Variants in CUL3 observed in about 807,000 individuals in gnomAD.
CUL3 encodes cullin 3, also known as cullin-3.
CUL3 carries 19 observed loss-of-function variants against 89.1 expected under a neutral mutation model. That is an observed-to-expected ratio of 0.21 (90% CI 0.15 to 0.31). The LOEUF (loss-of-function observed/expected upper bound fraction) is 0.31, where lower values mean the gene tolerates loss of function less well. CUL3 is among the 10% of genes least tolerant of loss of function. The pLI is 1.00. For missense variants in CUL3, 469 were observed against 942.3 expected (o/e 0.50, Z 6.58); for synonymous variants, 351 against 308.4 (o/e 1.14, Z -1.45).
In CUL3 at chr2:224,471,431, A is replaced by AG. The variant is rs1691126389; in HGVS notation, c.*2813dup. On this transcript the variant is annotated 3_prime_UTR_variant, in exon 16 of 16. Coordinates refer to ENST00000264414, the MANE Select transcript of CUL3 (RefSeq NM_003590.5). The stretch of plus-strand genomic sequence containing the variant: ...GATGATGCCAGTGTACTAGTCTTCT[A>AG]GAGATGTAGGCATAATCTTAAAACT... The AG allele has an allele frequency of 5.1e-6, 1 of 197,876 alleles. No homozygotes were observed. The highest frequency in any genetic ancestry group is 1.0e-5 in the Non-Finnish European group (1 of 95,754). The allele number at this position is 197,876 out of a possible 1,614,324, so 12.3% of individuals were successfully genotyped here.
chr2:224,523,354 A>T (rs182692767), intron 3 of CUL3, among the ~76,000 whole-genome samples: 1 of 151,930 alleles, frequency 6.6e-6, no homozygotes, highest in East Asian at 1.9e-4. Flanking sequence ...AAAATAAAAA[A>T]CTACCACCTC....
At chr2:224,490,655 A>G (rs1691933950) in intron 13 of CUL3, among the ~76,000 whole-genome samples, 2 of 151,886 alleles carry the variant, frequency 1.3e-5, no homozygotes, top group Admixed American at 1.3e-4. Flanking sequence ...CCATGGCACA[A>G]GTATACCTAT....
intron 3 of CUL3, among the ~76,000 whole-genome samples, chr2:224,515,058 TA>T (rs1692989816): frequency 6.6e-6 from 1 of 151,876 alleles, no homozygotes; most frequent in African/African-American, 2.4e-5. Context: ...TAAAAAAAGG[TA>T]AATAGTAAGG....
At chr2:224,579,545 A>G (rs985666147) in intron 1 of CUL3, among the ~76,000 whole-genome samples, 1 of 152,208 alleles carries the variant, frequency 6.6e-6, no homozygotes, top group African/African-American at 2.4e-5. Context: ...GTTCTTAAGT[A>G]TATCACAAAT....
chr2:224,532,481 A>G (rs1693731543), intron 3 of CUL3, among the ~76,000 whole-genome samples: 1 of 151,538 alleles, frequency 6.6e-6, no homozygotes. Context: ...AAAAACAAGG[A>G]GAATGGGGAT....
chr2:224,535,936 G>C (rs1039168105), intron 2 of CUL3, among the ~76,000 whole-genome samples: 2 of 152,070 alleles, frequency 1.3e-5, no homozygotes, highest in African/African-American at 2.4e-5. Context: ...TATTCTTATA[G>C]TAAGTTACAA....
chr2:224,526,605 A>G (rs912646152), intron 3 of CUL3, among the ~76,000 whole-genome samples: 11 of 149,992 alleles, frequency 7.3e-5, no homozygotes, highest in Admixed American at 2.6e-4. Context: ...AAAAAAAAAA[A>G]AAAAAAGAAA....
chr2:224,546,637 A>G (rs193265832), intron 2 of CUL3, among the ~76,000 whole-genome samples: 1 of 150,044 alleles, frequency 6.7e-6, no homozygotes, highest in African/African-American at 2.4e-5. Flanking sequence ...TAACAGAAGA[A>G]TATCACTAAA....
At chr2:224,570,409 T>A (rs1371801459) in intron 1 of CUL3, among the ~76,000 whole-genome samples, 1 of 152,208 alleles carries the variant, frequency 6.6e-6, no homozygotes, top group East Asian at 1.9e-4. Context: ...CAGAGAAACG[T>A]GAGACGGTGG....
intron 5 of CUL3, among the ~76,000 whole-genome samples, chr2:224,512,216 C>T (rs964684945): frequency 2.1e-4 from 32 of 152,112 alleles, no homozygotes; most frequent in Non-Finnish European, 4.6e-4. Context: ...CTGCCTCAGC[C>T]TCCCGAGTAG....
At chr2:224,549,865 C>T (rs1213348116) in intron 2 of CUL3, among the ~76,000 whole-genome samples, 1 of 151,248 alleles carries the variant, frequency 6.6e-6, no homozygotes, top group African/African-American at 2.4e-5. Context: ...TATGCGTGCA[C>T]ACACACACAC....
intron 2 of CUL3, among the ~76,000 whole-genome samples, chr2:224,552,977 T>C (rs537272162): frequency 4.4e-4 from 67 of 152,348 alleles, no homozygotes; most frequent in South Asian, 1.4e-3. Flanking sequence ...AATGCAGAGA[T>C]AGGCAGTACT....
At chr2:224,541,029 A>G (rs910008185) in intron 2 of CUL3, among the ~76,000 whole-genome samples, 2 of 152,244 alleles carry the variant, frequency 1.3e-5, no homozygotes, top group Admixed American at 6.5e-5. Flanking sequence ...AGATTACAAT[A>G]AAGTGTAAGA....
Position 224,474,880 on chromosome 2 carries a change from GCTT to G in CUL3, c.2176-507_2176-505del, listed in dbSNP as rs1189931574. On this transcript the variant is annotated intron_variant, in intron 15 of 15. Coordinates refer to ENST00000264414, the MANE Select transcript of CUL3 (RefSeq NM_003590.5). ...ATAATGCTGCCCAATCATAGTAAGTGCTTCTGTTGGTTTTTTCCAAGTACTATC... is the reference window on the plus strand; with the variant it reads ...ATAATGCTGCCCAATCATAGTAAGTGCTGTTGGTTTTTTCCAAGTACTATC... Among the ~76,000 whole-genome samples, 8 of 152,236 alleles carry G rather than the reference GCTT, an allele frequency of 5.3e-5. No individual in the cohort carries two copies. The East Asian group carries it at 1.5e-3, about 29-fold the overall frequency.
chr2:224,474,834 T>G (rs568879863), intron 15 of CUL3, among the ~76,000 whole-genome samples: 13 of 152,172 alleles, frequency 8.5e-5, no homozygotes, highest in Non-Finnish European at 1.3e-4. Context: ...TGTTAACAGA[T>G]GTAACGCCTT....
At chr2:224,561,293 C>T (rs1694893989) in intron 1 of CUL3, among the ~76,000 whole-genome samples, 1 of 152,166 alleles carries the variant, frequency 6.6e-6, no homozygotes, top group Non-Finnish European at 1.5e-5. Flanking sequence ...TTTGTAAATG[C>T]CACATAAAAT....
At chr2:224,542,257 T>C (rs1310343755) in intron 2 of CUL3, among the ~76,000 whole-genome samples, 1 of 152,222 alleles carries the variant, frequency 6.6e-6, no homozygotes, top group Non-Finnish European at 1.5e-5. Flanking sequence ...TCTGTGGATA[T>C]AGCTTTTCTC....
At chr2:224,513,482 G>A (rs111771397) in intron 5 of CUL3, 42 bp downstream of exon 5, 4 of 1,234,812 alleles carry the variant, frequency 3.2e-6, no homozygotes, top group Non-Finnish European at 4.6e-6. Flanking sequence ...ATAACATTAA[G>A]AACATCTTAA....
chr2:224,510,219 GT>G (rs1553522669), intron 6 of CUL3, among the ~76,000 whole-genome samples: 198 of 105,336 alleles, frequency 1.9e-3, no homozygotes, highest in East Asian at 4.1e-3. Flanking sequence ...GATGACTTCT[GT>G]TTTTTTTTTT....
Sources: allele counts gnomAD v4.1 joint callset (sites outside exome capture counted in the v4.1 genomes callset), GRCh38; gene constraint gnomAD v4.1.1; transcripts MANE v1.5; gene names NCBI Gene and HGNC (gene_info 2026-07-23, HGNC 2026-07-21).